IL1B: variants seen among roughly 807,000 people sequenced by gnomAD.
IL1B encodes interleukin-1 beta.
In IL1B, 11 loss-of-function variants were observed where a neutral mutation model predicts 26.2. The ratio of observed to expected loss-of-function variants is 0.42; its 90% CI spans 0.26 to 0.70. IL1B has a LOEUF of 0.70. Among genes scored for constraint, IL1B ranks in the 30% least tolerant of loss-of-function variants. IL1B has a pLI of 0.25. For missense variants in IL1B, 255 were observed against 327.5 expected (o/e 0.78, Z 1.71); for synonymous variants, 118 against 120.8 (o/e 0.98, Z 0.15).
At chr2:112,836,359 A>G in intron 1 of IL1B, 115 bp from the exon 2 acceptor site, 1 of 796,002 alleles carries the variant, frequency 1.3e-6, no homozygotes, top group South Asian at 1.4e-5. Flanking sequence ...GAGTAAATGA[A>G]TGAATGTGTG....
intron 4 of IL1B, 110 bp from the exon 5 acceptor site, chr2:112,832,936 A>G (rs1682017671): frequency 9.7e-7 from 1 of 1,034,098 alleles, no homozygotes. Flanking sequence ...ATACGGTCAA[A>G]GTCTGATGAC....
At chr2:112,835,448 G>A (rs1682071000) in intron 3 of IL1B, 118 bp downstream of exon 3, 2 of 811,362 alleles carry the variant, frequency 2.5e-6, no homozygotes, top group South Asian at 1.4e-5. Context: ...CACTGGAAGA[G>A]GTTAAAGTCT....
chr2:112,833,097 C>A (rs1033394382), intron 4 of IL1B: 11 of 600,502 alleles, frequency 1.8e-5, no homozygotes, highest in Non-Finnish European at 2.7e-5. Context: ...ATAACACTAG[C>A]CCACAGGGAG....
rs1682102579 is a variant in IL1B at position 112,836,776 on chromosome 2, T to G, written c.-84A>C. 1 of 154,860 alleles carries G rather than the reference T, an allele frequency of 6.5e-6. No individual in the cohort carries two copies. Among genetic ancestry groups the G allele is most frequent in the Admixed American group, 6.3e-5 (1 of 15,836 alleles). 9.6% of individuals were successfully genotyped at this position (154,860 alleles called of 1,614,324 possible). On this transcript the variant is annotated 5_prime_UTR_variant, in exon 1 of 7. Transcript: ENST00000263341. The stretch of plus-strand genomic sequence containing the variant: ...TTGTGCCTTGTGCCTCGAAGAGGTT[T>G]GGTATCTGCCAGTTTCTCCCTCGCT...
At chr2:112,831,488 C>T in intron 5 of IL1B, 66 bp from the exon 6 acceptor site, 2 of 1,581,832 alleles carry the variant, frequency 1.3e-6, no homozygotes, top group Non-Finnish European at 1.7e-6. Flanking sequence ...ACCCCTAGGC[C>T]CCATGAGTAG....
rs141525769 is a variant in IL1B at position 112,832,798 on chromosome 2, G to T, written c.330C>A (p.Asn110Lys). The change falls in exon 5 of 7, where the codon AAC (asparagine) becomes AAA (lysine). Residue 110 changes from asparagine to lysine, a missense_variant. Transcript: ENST00000263341. Reference sequence around the variant, plus strand: ...CAGGTGCATCGTGCACATAAGCCTCGTTATCCCATGTGTCGAAGAAGATAG... The same window carrying T: ...CAGGTGCATCGTGCACATAAGCCTCTTTATCCCATGTGTCGAAGAAGATAG... ...EEPIFFDTWD[N>K]EAYVHDAPVR... The T allele has an allele frequency of 1.9e-6, 3 of 1,614,170 alleles. No homozygotes were observed. The highest frequency in any genetic ancestry group is 1.7e-6 in the Non-Finnish European group (2 of 1,180,018).
chr2:112,835,752 A>G, intron 2 of IL1B, 135 bp from the exon 3 acceptor site: 1 of 788,642 alleles, frequency 1.3e-6, no homozygotes, highest in Admixed American at 2.0e-5. Context: ...AACACCTGGC[A>G]AGTTTCACAG....
chr2:112,835,713 C>A, intron 2 of IL1B, 96 bp from the exon 3 acceptor site: 2 of 1,054,670 alleles, frequency 1.9e-6, no homozygotes, highest in East Asian at 4.8e-5. Context: ...TAAGAAACTG[C>A]AAACAGCCTG....
rs998844858 is a variant in IL1B at position 112,832,842 on chromosome 2, C to G, written c.302-16G>C. 5 of 1,613,960 alleles carry G rather than the reference C, an allele frequency of 3.1e-6. No homozygotes were observed. In the African/African-American group the frequency reaches 6.7e-5, roughly 22 times the overall value. On this transcript the variant is annotated splice_polypyrimidine_tract_variant and intron_variant, in intron 4 of 6. Transcript: ENST00000263341. ...AAGATAGGTTCTGAAATGTGGAGCACATGTTGTTTAGGTATAAAATCAGAA... is the reference window on the plus strand; with the variant it reads ...AAGATAGGTTCTGAAATGTGGAGCAGATGTTGTTTAGGTATAAAATCAGAA...
intron 6 of IL1B, chr2:112,831,077 CATA>C (rs1362884716): frequency 1.2e-5 from 7 of 562,232 alleles, no homozygotes; most frequent in African/African-American, 9.3e-5. Context: ...TATGGTAGGA[CATA>C]ATAACATCGG....
intron 4 of IL1B, 111 bp downstream of exon 4, chr2:112,833,262 TG>T (rs1329798060): frequency 2.3e-5 from 22 of 964,942 alleles, no homozygotes; most frequent in Non-Finnish European, 3.3e-5. Flanking sequence ...GTCTCCCCGC[TG>T]GGCCTTCTAC....
At chr2:112,831,137 TA>T in intron 6 of IL1B, 154 bp downstream of exon 6, 1 of 838,272 alleles carries the variant, frequency 1.2e-6, no homozygotes, top group East Asian at 2.6e-5. Context: ...TGCACGCAGT[TA>T]AAAATTATGT....
At chr2:112,836,325 CA>C in intron 1 of IL1B, 81 bp from the exon 2 acceptor site, 1 of 981,624 alleles carries the variant, frequency 1.0e-6, no homozygotes, top group South Asian at 1.3e-5. Flanking sequence ...CAGTGCATGG[CA>C]GTCATGCAAA....
intron 6 of IL1B, 108 bp downstream of exon 6, chr2:112,831,184 G>T: frequency 7.6e-7 from 1 of 1,308,900 alleles, no homozygotes; most frequent in South Asian, 1.2e-5. Flanking sequence ...TTGTCAAATA[G>T]ACCTGTTCCC....
At chr2:112,831,211 G>A (rs1286442952) in intron 6 of IL1B, 81 bp downstream of exon 6, 72 of 1,531,106 alleles carry the variant, frequency 4.7e-5, no homozygotes, top group Non-Finnish European at 6.1e-5. Flanking sequence ...TCCTAGGGAT[G>A]GGGGCGGGGA....
chr2:112,835,659 A>G (rs748457962), intron 2 of IL1B, 42 bp from the exon 3 acceptor site: 16 of 1,546,768 alleles, frequency 1.0e-5, no homozygotes, highest in Non-Finnish European at 1.3e-5. Flanking sequence ...TGTCTTCTAA[A>G]CAGGTTTATT....
rs376739961 is a variant in IL1B, at chr2:112,833,370, C to T, written c.301+4G>A. 1 of 1,613,804 alleles carries T rather than the reference C, an allele frequency of 6.2e-7. No individual in the cohort carries two copies. Among genetic ancestry groups the T allele is most frequent in the Admixed American group, 1.7e-5 (1 of 60,006 alleles). On this transcript the variant is annotated splice_donor_region_variant and intron_variant, in intron 4 of 6. Transcript: ENST00000263341. ...AGATCTACTGCCTGCTCTTGGCTAACTACCTTCTTCAAAGATGAAGGGAAA... is the reference window on the plus strand; with the variant it reads ...AGATCTACTGCCTGCTCTTGGCTAATTACCTTCTTCAAAGATGAAGGGAAA...
chr2:112,830,670 C>T (rs1464591435), intron 6 of IL1B, 97 bp from the exon 7 acceptor site: 4 of 860,332 alleles, frequency 4.6e-6, no homozygotes, highest in Non-Finnish European at 5.8e-6. Flanking sequence ...AACTGACGAG[C>T]AGGTCACATG....
In IL1B at chr2:112,836,702, TCATACTTGAG is replaced by T; in HGVS notation, c.-20_-16+5del. On this transcript the variant is annotated splice_donor_variant and splice_donor_5th_base_variant and 5_prime_UTR_variant and intron_variant, in exon 1 of 7. Transcript: ENST00000263341. LOFTEE classifies it low-confidence loss of function (5UTR_SPLICE). ...CACCTAGTTGTAAGGAAGATTAAAG[TCATACTTGAG>T]CAATGAAGATTGGCTGAAGAGAATC... 5.8e-6 allele frequency: 1 copy of T among 172,834 alleles called. No individual in the cohort carries two copies. The highest frequency in any genetic ancestry group is 1.2e-4 in the South Asian group (1 of 8,182). The allele number at this position is 172,834 out of a possible 1,614,324, so 10.7% of individuals were successfully genotyped here. A position where few individuals can be genotyped will look rare whatever the true frequency, so the allele number is the denominator to read the frequency against.
Sources: allele counts gnomAD v4.1 joint callset, GRCh38; gene constraint gnomAD v4.1.1; transcripts MANE v1.5; gene names NCBI Gene and HGNC (gene_info 2026-07-23, HGNC 2026-07-21).